The following TRAK2 variants were observed in gnomAD, a reference collection of about 807,000 sequenced individuals.
The protein encoded by TRAK2 is trafficking kinesin-binding protein 2.
Under a neutral mutation model 104.6 loss-of-function variants are expected in TRAK2, and 81 were observed. The ratio of observed to expected loss-of-function variants is 0.77; its 90% confidence interval spans 0.65 to 0.93. TRAK2 has a LOEUF of 0.93. Among genes scored for constraint, TRAK2 ranks in the 40% least tolerant of loss-of-function variants. The probability of loss-of-function intolerance (pLI) is 0.00; values close to 1 mark genes in which losing one functional copy is unlikely to be tolerated. For synonymous variants in TRAK2, 406 were observed against 394.4 expected (o/e 1.03, Z -0.35); for missense variants, 1,002 against 1,089.0 (o/e 0.92, Z 1.12).
chr2:201,448,044 C>A (rs1395809858), intron 1 of TRAK2, among the ~76,000 whole-genome samples: 1 of 152,212 alleles, frequency 6.6e-6, no homozygotes, highest in Non-Finnish European at 1.5e-5. Flanking sequence ...AAGATTTGAT[C>A]ACTGAAGGAA....
chr2:201,387,739 T>C lies in TRAK2; in HGVS notation c.1660A>G (p.Met554Val). Reference protein sequence around the residue: ...LSSASCLRGFMPEKLQIVKPL... With the variant: ...LSSASCLRGFVPEKLQIVKPL... ...TTGACAATTTGTAATTTTTCTGGCA[T>C]AAAACCTCGAAGGCAACTGGCACTG... Residue 554 changes from methionine to valine, a missense_variant, in exon 13 of 16, where the codon ATG becomes GTG. Transcript: ENST00000332624. 2 of 1,611,388 alleles carry C rather than the reference T, an allele frequency of 1.2e-6. No homozygotes were observed. Among genetic ancestry groups the C allele is most frequent in the South Asian group, 2.2e-5 (2 of 90,980 alleles).
At chr2:201,391,243 C>T (rs1951445964) in intron 10 of TRAK2, among the ~76,000 whole-genome samples, 1 of 151,996 alleles carries the variant, frequency 6.6e-6, no homozygotes, top group African/African-American at 2.4e-5. Context: ...ATCTGAATAT[C>T]CTACATACAG....
chr2:201,406,113 A>C (rs1576517939), intron 3 of TRAK2, among the ~76,000 whole-genome samples: 1 of 152,258 alleles, frequency 6.6e-6, no homozygotes, highest in Non-Finnish European at 1.5e-5. Context: ...AAATTCTCAA[A>C]CTAAAACGTC....
At chr2:201,433,963 C>CT (rs397942881) in intron 1 of TRAK2, among the ~76,000 whole-genome samples, 9,169 of 146,728 alleles carry the variant, frequency 0.062, 571 homozygotes, top group East Asian at 0.26. Context: ...CATAATCATT[C>CT]TTTTTTTTTT....
intron 1 of TRAK2, among the ~76,000 whole-genome samples, chr2:201,441,682 CTT>C (rs1170684951): frequency 3.6e-5 from 5 of 140,512 alleles, no homozygotes; most frequent in Non-Finnish European, 3.1e-5. Context: ...TGTGCTCTTT[CTT>C]TTTTTTTTTT....
At chr2:201,417,033 TTA>T in intron 2 of TRAK2, among the ~76,000 whole-genome samples, 1 of 151,568 alleles carries the variant, frequency 6.6e-6, no homozygotes. Context: ...AAAGACCCCA[TTA>T]TAAGTTATCT....
intron 1 of TRAK2, among the ~76,000 whole-genome samples, chr2:201,420,972 G>T (rs182575485): frequency 2.6e-5 from 4 of 152,216 alleles, no homozygotes; most frequent in Non-Finnish European, 1.5e-5. Context: ...AATTACTAAG[G>T]GGCAGGAGAA....
intron 13 of TRAK2, 108 bp downstream of exon 13, chr2:201,387,595 G>C (rs1951403268): frequency 1.7e-6 from 2 of 1,174,554 alleles, no homozygotes; most frequent in Admixed American, 4.8e-5. Flanking sequence ...GGGATAAAAA[G>C]ATCATCTGCA....
intron 3 of TRAK2, among the ~76,000 whole-genome samples, chr2:201,402,509 TA>T (rs1299773729): frequency 6.6e-6 from 1 of 152,032 alleles, no homozygotes; most frequent in Admixed American, 6.6e-5. Flanking sequence ...AAGCTAGAAA[TA>T]AACATTTGTA....
chr2:201,409,536 G>A lies in TRAK2; in HGVS notation c.92-1939C>T, dbSNP rs112435697. 2.6e-3 allele frequency among the ~76,000 whole-genome samples: 403 copies of A among 152,170 alleles called. 3 individuals are homozygous for A. Among genetic ancestry groups the A allele is most frequent in the African/African-American group, 8.9e-3 (368 of 41,520 alleles). On this transcript the variant is annotated intron_variant, in intron 2 of 15. Coordinates refer to ENST00000332624, the MANE Select transcript of TRAK2 (RefSeq NM_015049.3). ...TGACTCTAAATATATCCAAGTGAAG[G>A]CAGAAAAATACATTACCATTTGAGG...
intron 1 of TRAK2, among the ~76,000 whole-genome samples, chr2:201,438,525 C>T (rs1358363221): frequency 6.6e-6 from 1 of 152,184 alleles, no homozygotes; most frequent in Admixed American, 6.5e-5. Context: ...CTTGTCCATA[C>T]TAAGAGCCAG....
chr2:201,441,316 T>G (rs1951918270), intron 1 of TRAK2, among the ~76,000 whole-genome samples: 1 of 152,210 alleles, frequency 6.6e-6, no homozygotes, highest in African/African-American at 2.4e-5. Flanking sequence ...AAGCCAAAAC[T>G]CAACATTCAT....
intron 2 of TRAK2, among the ~76,000 whole-genome samples, chr2:201,408,005 C>T (rs1951611461): frequency 6.6e-6 from 1 of 152,104 alleles, no homozygotes; most frequent in African/African-American, 2.4e-5. Flanking sequence ...ATTCAAAATC[C>T]TACCTTTTAT....
chr2:201,426,111 C>T (rs1951785733), intron 1 of TRAK2, among the ~76,000 whole-genome samples: 1 of 152,194 alleles, frequency 6.6e-6, no homozygotes, highest in Non-Finnish European at 1.5e-5. Flanking sequence ...CCATCTGTGG[C>T]CTGTCAGGAA....
At position 201,386,307 on chromosome 2, in the gene TRAK2, G is replaced by C. The variant is rs1951390068; in HGVS notation, c.1874C>G (p.Pro625Arg). Reference sequence around the variant, plus strand: ...TGAAAGTTTCTCTTCCACTTCAAGAGGTTGCTGAACCTGAAAAGTAATACC... The same window carrying C: ...TGAAAGTTTCTCTTCCACTTCAAGACGTTGCTGAACCTGAAAAGTAATACC... Reference protein sequence around the residue: ...EEGITFQVQQPLEVEEKLSTS... With the variant: ...EEGITFQVQQRLEVEEKLSTS... Residue 625 changes from proline to arginine, a missense_variant, in exon 14 of 16, where the codon CCT becomes CGT. Coordinates refer to ENST00000332624, the MANE Select transcript of TRAK2 (RefSeq NM_015049.3). 2 of 1,614,028 alleles carry C rather than the reference G, an allele frequency of 1.2e-6. No individual in the cohort carries two copies. The highest frequency in any genetic ancestry group is 1.7e-6 in the Non-Finnish European group (2 of 1,180,010).
intron 3 of TRAK2, 108 bp downstream of exon 3, chr2:201,407,295 T>C (rs776947696): frequency 2.2e-6 from 2 of 889,526 alleles, no homozygotes; most frequent in Admixed American, 2.7e-5. Context: ...TAAAAGTAGG[T>C]ATACACTGAA....
chr2:201,421,568 T>TG (rs138078890), intron 1 of TRAK2, among the ~76,000 whole-genome samples: 14,461 of 150,960 alleles, frequency 0.096, 842 homozygotes, highest in Non-Finnish European at 0.14. Flanking sequence ...TCCCCTGGGG[T>TG]GGGGGGGGCA....
Position 201,391,971 on chromosome 2 carries a change from T to C in TRAK2, c.1113+938A>G, listed in dbSNP as rs10188036. On this transcript the variant is annotated intron_variant, in intron 10 of 15. Coordinates refer to ENST00000332624, the MANE Select transcript of TRAK2 (RefSeq NM_015049.3). ...ATGGGCTCTGTGGATTAGATGATAA[T>C]ACTGCATAAACATCAACTTCCTGAT... 6.7e-3 allele frequency among the ~76,000 whole-genome samples: 1,025 copies of C among 152,322 alleles called. 13 individuals are homozygous for C. The highest frequency in any genetic ancestry group is 0.023 in the African/African-American group (961 of 41,574).
At chr2:201,383,506 T>C (rs1429020578) in intron 15 of TRAK2, among the ~76,000 whole-genome samples, 2 of 152,212 alleles carry the variant, frequency 1.3e-5, no homozygotes, top group Non-Finnish European at 2.9e-5. Context: ...AATACTTGGG[T>C]GAACTTCCCT....
Sources: gnomAD v4.1 joint callset for allele counts (sites outside exome capture counted in the v4.1 genomes callset) on GRCh38, gnomAD v4.1.1 for gene constraint, MANE v1.5 for transcripts, NCBI Gene and HGNC (gene_info 2026-07-23, HGNC 2026-07-21) for gene names.